PCDH15: variants seen among roughly 807,000 people sequenced by gnomAD.
PCDH15 encodes the protein protocadherin-15.
Under a neutral mutation model 178.5 loss-of-function variants are expected in PCDH15, and 129 were observed. The ratio of observed to expected loss-of-function variants is 0.72; its 90% CI spans 0.63 to 0.84. The LOEUF (loss-of-function observed/expected upper bound fraction) is 0.84. Ranked by LOEUF, PCDH15 falls within the 40% of genes least tolerant of loss-of-function variation. The probability of loss-of-function intolerance (pLI) is 0.00; values close to 1 mark genes in which losing one functional copy is unlikely to be tolerated. For synonymous variants in PCDH15, 800 were observed against 732.0 expected, an observed-to-expected ratio of 1.09 and a Z score of -1.50; for missense variants, 2,230 against 2,099.9, an observed-to-expected ratio of 1.06 and a Z score of -1.21.
chr10:55,092,060 G>T (rs925581975), intron 2 of PCDH15, among the ~76,000 whole-genome samples: 1 of 151,774 alleles, frequency 6.6e-6, no homozygotes, highest in Admixed American at 6.6e-5. Context: ...TGGCTCATAA[G>T]AGTATAAAGA....
chr10:55,412,783 T>A (rs1838372064), intron 2 of PCDH15, among the ~76,000 whole-genome samples: 1 of 151,712 alleles, frequency 6.6e-6, no homozygotes, highest in Non-Finnish European at 1.5e-5. Flanking sequence ...TTCAGTATTG[T>A]TTGAGAAAAT....
intron 2 of PCDH15, among the ~76,000 whole-genome samples, chr10:55,118,182 A>T (rs567164071): frequency 6.6e-6 from 1 of 152,196 alleles, no homozygotes; most frequent in Non-Finnish European, 1.5e-5. Flanking sequence ...CTTAACCAAG[A>T]CAGGGAGCTC....
chr10:55,153,553 CTTAA>C (rs1207228622), intron 2 of PCDH15, among the ~76,000 whole-genome samples: 2 of 152,106 alleles, frequency 1.3e-5, no homozygotes, highest in African/African-American at 4.8e-5. Flanking sequence ...TCATACAGCT[CTTAA>C]TTGTTAAAGC....
intron 3 of PCDH15, among the ~76,000 whole-genome samples, chr10:54,494,064 C>T (rs2079872829): frequency 7.5e-6 from 1 of 132,936 alleles, no homozygotes; most frequent in Non-Finnish European, 1.5e-5. Context: ...GGAAGGGGAA[C>T]ATCACACTCT....
chr10:54,345,360 A>T (rs1004416657), intron 6 of PCDH15, among the ~76,000 whole-genome samples: 3 of 152,130 alleles, frequency 2.0e-5, no homozygotes, highest in Admixed American at 6.6e-5. Context: ...TAAGGGCAAA[A>T]TGTTAACTTC....
At position 54,722,008 on chromosome 10, in the gene PCDH15, T is replaced by A. The variant is rs1322438373; in HGVS notation, c.-28-57718A>T. Among the ~76,000 whole-genome samples, 6 of 151,806 alleles carry A rather than the reference T, an allele frequency of 4.0e-5. 1 individual carries two copies. Among genetic ancestry groups the A allele is most frequent in the Non-Finnish European group, 7.4e-5 (5 of 67,804 alleles). ...ACCAAATCCAACAGCACATCAAATA[T>A]ACAATACACCATGATCCAGTGGGTT... On this transcript the variant is annotated intron_variant, in intron 1 of 37. Transcript: ENST00000644397.
intron 20 of PCDH15, among the ~76,000 whole-genome samples, chr10:54,013,652 A>G (rs995651489): frequency 4.6e-5 from 7 of 152,206 alleles, no homozygotes; most frequent in African/African-American, 1.4e-4. Flanking sequence ...TTGTTCCTCA[A>G]TTATCTCTGG....
intron 37 of PCDH15, among the ~76,000 whole-genome samples, chr10:53,807,470 T>G (rs1841266832): frequency 6.6e-6 from 1 of 152,178 alleles, no homozygotes; most frequent in Non-Finnish European, 1.5e-5. Flanking sequence ...TGACAGCTGC[T>G]CTACTATTCA....
chr10:54,322,047 T>C (rs2061642316), intron 7 of PCDH15, among the ~76,000 whole-genome samples: 1 of 151,884 alleles, frequency 6.6e-6, no homozygotes, highest in Non-Finnish European at 1.5e-5. Flanking sequence ...AAAATATCCA[T>C]TTAAAAAATA....
intron 2 of PCDH15, among the ~76,000 whole-genome samples, chr10:54,934,064 A>G (rs1837846263): frequency 6.6e-6 from 1 of 152,196 alleles, no homozygotes; most frequent in Non-Finnish European, 1.5e-5. Context: ...TTCCTAAAAT[A>G]ACGTCATGTA....
At chr10:55,378,007 T>C (rs184387760) in intron 2 of PCDH15, among the ~76,000 whole-genome samples, 2 of 152,072 alleles carry the variant, frequency 1.3e-5, no homozygotes, top group Admixed American at 6.6e-5. Context: ...AGTTGAACAA[T>C]GAGAACACAT....
chr10:55,423,551 C>T (rs1464678954), intron 2 of PCDH15, among the ~76,000 whole-genome samples: 3 of 151,948 alleles, frequency 2.0e-5, no homozygotes, highest in African/African-American at 7.2e-5. Context: ...AGCTAATTAG[C>T]TCACTATAAG....
intron 2 of PCDH15, among the ~76,000 whole-genome samples, chr10:55,010,890 C>T (rs1458959041): frequency 6.6e-6 from 1 of 151,992 alleles, no homozygotes; most frequent in African/African-American, 2.4e-5. Context: ...AGGCTGTTAG[C>T]AATAGTGCTT....
At chr10:54,335,600 C>T (rs1940920211) in intron 6 of PCDH15, among the ~76,000 whole-genome samples, 1 of 152,124 alleles carries the variant, frequency 6.6e-6, no homozygotes, top group African/African-American at 2.4e-5. Context: ...AAATCACTTT[C>T]ACTTGATTAA....
chr10:54,509,290 G>T (rs914898376), intron 3 of PCDH15, among the ~76,000 whole-genome samples: 2 of 152,020 alleles, frequency 1.3e-5, no homozygotes, highest in African/African-American at 4.8e-5. Context: ...CCCCCATACT[G>T]TTCTCGTGGT....
intron 5 of PCDH15, among the ~76,000 whole-genome samples, chr10:54,357,937 G>T (rs1334430706): frequency 2.6e-5 from 4 of 151,908 alleles, no homozygotes; most frequent in African/African-American, 9.7e-5. Context: ...TTAATAAATG[G>T]TGCTGGGAAA....
chr10:54,855,527 A>T (rs1953725504), intron 3 of PCDH15, among the ~76,000 whole-genome samples: 1 of 152,182 alleles, frequency 6.6e-6, no homozygotes, highest in African/African-American at 2.4e-5. Context: ...CAATGTTCTG[A>T]AGCATGATAG....
At chr10:53,869,495 A>C (rs559147330) in intron 26 of PCDH15, among the ~76,000 whole-genome samples, 79 of 152,328 alleles carry the variant, frequency 5.2e-4, no homozygotes, top group African/African-American at 1.9e-3. Flanking sequence ...CTATCTTCTT[A>C]TTAACATGGA....
rs117667576 is a variant in PCDH15, at chr10:54,930,345, C to T, written c.-79-32845G>A. ...AAACCCCAAGTGCTTCACTGTAGGA[C>T]CGGAAGTCCCACTCAAGTGCCCCTC... is the stretch of plus-strand genomic sequence containing the variant. On this transcript the variant is annotated intron_variant, in intron 2 of 5. Coordinates refer to the PCDH15 transcript ENST00000458638. Among the ~76,000 whole-genome samples, 25 of 152,262 alleles carry T rather than the reference C, an allele frequency of 1.6e-4. No individual in the cohort carries two copies. The East Asian group carries it at 4.5e-3, about 27-fold the overall frequency.
Sources: gnomAD v4.1 joint callset for allele counts (sites outside exome capture counted in the v4.1 genomes callset) on GRCh38, gnomAD v4.1.1 for gene constraint, MANE v1.5 for transcripts, NCBI Gene and HGNC (gene_info 2026-07-23, HGNC 2026-07-21) for gene names.